TRIM17: variants seen among roughly 807,000 people sequenced by gnomAD.
TRIM17 encodes tripartite motif containing 17.
Under a neutral mutation model 35.8 loss-of-function variants are expected in TRIM17, and 27 were observed. That is an observed-to-expected ratio of 0.75 (90% CI 0.56 to 1.04). The LOEUF is 1.04. Ranked by LOEUF, TRIM17 falls within the 50% of genes least tolerant of loss-of-function variation. TRIM17 has a pLI of 0.00. For missense variants in TRIM17, 582 were observed against 612.8 expected (o/e 0.95, Z 0.53); for synonymous variants, 246 against 252.6 (o/e 0.97, Z 0.25).
chr1:228,409,902 A>G (rs1187414073), intron 4 of TRIM17, among the ~76,000 whole-genome samples: 2 of 152,064 alleles, frequency 1.3e-5, no homozygotes, highest in East Asian at 3.9e-4. Flanking sequence ...CCTGGAAGCT[A>G]CAAGGGACTT....
Position 228,409,223 on chromosome 1 carries a change from T to A in TRIM17, c.832A>T (p.Arg278Trp). ...TGTCCGGGAACTCTGCACACAGTCCTGGGTCTGGTTGGGGGGGCAACCTCT... is the reference window on the plus strand; with the variant it reads ...TGTCCGGGAACTCTGCACACAGTCCAGGGTCTGGTTGGGGGGGCAACCTCT... ...CPEVAPPTRPRTVCRVPGQIE... is the reference protein window; with the variant it reads ...CPEVAPPTRPWTVCRVPGQIE... The change falls in exon 6 of 7, where the codon AGG becomes TGG. Residue 278 changes from arginine to tryptophan, a missense_variant. Physicochemically the swap from Arg to Trp is moderately radical, Grantham distance 101. Transcript: ENST00000366698. 1.9e-6 allele frequency: 3 copies of A among 1,613,996 alleles called. No individual in the cohort carries two copies. Among genetic ancestry groups the A allele is most frequent in the Non-Finnish European group, 2.5e-6 (3 of 1,179,990 alleles).
rs1183968059 is a variant in TRIM17 at position 228,414,695 on chromosome 1, C to T, written c.378G>A (p.Glu126=). 2 of 1,612,012 alleles carry T rather than the reference C, an allele frequency of 1.2e-6. No individual in the cohort carries two copies. Residue 126 remains glutamate (E), a synonymous_variant, in exon 2 of 7, where the codon GAG becomes GAA. Coordinates refer to ENST00000366698, the MANE Select transcript of TRIM17 (RefSeq NM_016102.4). ...CGGGCAGCACCCTGTGCAGCCGGTG[C>T]TCCCGGGACTCCCTGCACACCACAC... ...PICVVCRESR[E]HRLHRVLPAE...
rs1435292082 is a variant in TRIM17, at chr1:228,415,097, T to C, written c.-25A>G. ...TGGCTCCTGGGAGACACGAGGCAGG[T>C]TCCCGCTTGAGGGACTCTGGAGAGA... On this transcript the variant is annotated 5_prime_UTR_variant, in exon 2 of 7. Transcript: ENST00000366698. The C allele has an allele frequency of 6.3e-7, 1 of 1,583,582 alleles. No individual in the cohort carries two copies. Among genetic ancestry groups the C allele is most frequent in the Non-Finnish European group, 8.6e-7 (1 of 1,162,326 alleles).
Position 228,408,182 on chromosome 1 carries a change from C to G in TRIM17, c.*19G>C. On this transcript the variant is annotated 3_prime_UTR_variant, in exon 7 of 7. Coordinates refer to ENST00000366698, the MANE Select transcript of TRIM17 (RefSeq NM_016102.4). The surrounding 1 kb of genome is among the most constrained non-coding windows in gnomAD (Gnocchi z 6.3). The stretch of plus-strand genomic sequence containing the variant: ...CTTCTGCAGAGCCAGGAGCAGTGCC[C>G]GAGTCCCCCGGTCTGTGTCTATCCT... 1 of 1,511,716 alleles carries G rather than the reference C, an allele frequency of 6.6e-7. No homozygotes were observed. The highest frequency in any genetic ancestry group is 8.8e-7 in the Non-Finnish European group (1 of 1,130,298). 93.6% of individuals were successfully genotyped at this position (1,511,716 alleles called of 1,614,324 possible). A position where few individuals can be genotyped will look rare whatever the true frequency, so the allele number is the denominator to read the frequency against.
At position 228,408,201 on chromosome 1, in the gene TRIM17, C is replaced by T. The variant is rs1656542322; in HGVS notation, c.1434G>A (p.Ter478=). The T allele has an allele frequency of 6.6e-7, 1 of 1,524,488 alleles. No homozygotes were observed. Among genetic ancestry groups the T allele is most frequent in the African/African-American group, 1.4e-5 (1 of 71,918 alleles). The allele number at this position is 1,524,488 out of a possible 1,614,324, so 94.4% of individuals were successfully genotyped here. ...ISTVTMWVKG[*] ...AGTGCCCGAGTCCCCCGGTCTGTGT[C>T]TATCCTTTCACCCACATGGTCACTG... Residue 478 remains the stop codon, a stop_retained_variant, in exon 7 of 7, where the codon TAG becomes TAA. Coordinates refer to ENST00000366698, the MANE Select transcript of TRIM17 (RefSeq NM_016102.4). The surrounding 1 kb of genome is among the most constrained non-coding windows in gnomAD (Gnocchi z 6.3).
chr1:228,413,537 G>A (rs1448104200), intron 3 of TRIM17, among the ~76,000 whole-genome samples: 2 of 152,142 alleles, frequency 1.3e-5, no homozygotes, highest in Admixed American at 6.5e-5. Flanking sequence ...CTGCCTCTTT[G>A]AGTCTGATTT....
At chr1:228,413,932 C>T in intron 2 of TRIM17, 40 bp from the exon 3 acceptor site, 1 of 1,546,868 alleles carries the variant, frequency 6.5e-7, no homozygotes, top group Non-Finnish European at 8.9e-7. Flanking sequence ...GATCAGCGAT[C>T]CCCCTACCTC....
At chr1:228,409,343 CCCACCGCT>C (rs1317831255) in intron 5 of TRIM17, 38 bp downstream of exon 5, 1 of 1,597,748 alleles carries the variant, frequency 6.3e-7, no homozygotes, top group Non-Finnish European at 8.5e-7. Flanking sequence ...GTCCCCCCCG[CCCACCGCT>C]GCCACTGCCC....
Position 228,416,800 on chromosome 1 carries a change from G to A in TRIM17, c.-303C>T. 1 of 984,606 alleles carries A rather than the reference G, an allele frequency of 1.0e-6. No homozygotes were observed. The highest frequency in any genetic ancestry group is 1.2e-6 in the Non-Finnish European group (1 of 829,612). The allele number at this position is 984,606 out of a possible 1,614,324, so 61.0% of individuals were successfully genotyped here. ...GAGAGGTTGGGGGTGGCTTGGGGAAGGAAGGCGGCAGGGGGTGGAAGGCTC... is the reference window on the plus strand; with the variant it reads ...GAGAGGTTGGGGGTGGCTTGGGGAAAGAAGGCGGCAGGGGGTGGAAGGCTC... On this transcript the variant is annotated 5_prime_UTR_variant, in exon 1 of 7. Coordinates refer to ENST00000366698, the MANE Select transcript of TRIM17 (RefSeq NM_016102.4).
At position 228,410,773 on chromosome 1, in the gene TRIM17, C is replaced by T. The variant is rs891538517; in HGVS notation, c.756+173G>A. On this transcript the variant is annotated intron_variant, in intron 4 of 6. Transcript: ENST00000366698. This position sits in a 1 kb window ranked among gnomAD's most constrained non-coding sequence, Gnocchi z 4.6. ...CATCTTCAGGCCTAGGAGAGAGGCT[C>T]AGGAGGAACCAGGCCTGCCCGCACC... Among the ~76,000 whole-genome samples, 2 of 152,164 alleles carry T rather than the reference C, an allele frequency of 1.3e-5. No homozygotes were observed. The highest frequency in any genetic ancestry group is 4.8e-5 in the African/African-American group (2 of 41,432).
chr1:228,413,966 G>A (rs1231560368), intron 2 of TRIM17, 74 bp from the exon 3 acceptor site: 12 of 1,261,982 alleles, frequency 9.5e-6, no homozygotes, highest in Admixed American at 1.7e-5. Context: ...AGTTGTGCTC[G>A]CTGAAACTGC....
In TRIM17 at chr1:228,411,271, CACCAGCAACTGGAGCTTTAGTTGGGG is replaced by C; in HGVS notation, c.526-121_526-96del. 1 of 1,006,140 alleles carries C rather than the reference CACCAGCAACTGGAGCTTTAGTTGGGG, an allele frequency of 9.9e-7. No homozygotes were observed. Among genetic ancestry groups the C allele is most frequent in the Non-Finnish European group, 1.5e-6 (1 of 679,650 alleles). The allele number at this position is 1,006,140 out of a possible 1,614,324, so 62.3% of individuals were successfully genotyped here. A position where few individuals can be genotyped will look rare whatever the true frequency, so the allele number is the denominator to read the frequency against. On this transcript the variant is annotated intron_variant, in intron 3 of 6. Coordinates refer to ENST00000366698, the MANE Select transcript of TRIM17 (RefSeq NM_016102.4). This position sits in a 1 kb window ranked among gnomAD's most constrained non-coding sequence, Gnocchi z 4.2. ...CCAGGGCCCTGGTGACCCACAAGAT[CACCAGCAACTGGAGCTTTAGTTGGGG>C]ACCAGGAACTGTGACAGAGGCCCCC...
At position 228,410,755 on chromosome 1, in the gene TRIM17, A is replaced by G. The variant is rs1261562399; in HGVS notation, c.756+191T>C. 6.6e-6 allele frequency among the ~76,000 whole-genome samples: 1 copy of G among 152,170 alleles called. No individual in the cohort carries two copies. Among genetic ancestry groups the G allele is most frequent in the African/African-American group, 2.4e-5 (1 of 41,436 alleles). ...GACGCGGGGAGGAGACGGCATCTTC[A>G]GGCCTAGGAGAGAGGCTCAGGAGGA... On this transcript the variant is annotated intron_variant, in intron 4 of 6. Transcript: ENST00000366698. The surrounding 1 kb of genome is among the most constrained non-coding windows in gnomAD (Gnocchi z 4.6).
At position 228,415,401 on chromosome 1, in the gene TRIM17, AGCT is replaced by A. The variant is rs144742807; in HGVS notation, c.-41-291_-41-289del. The A allele has an allele frequency of 3.7e-3, 944 of 256,448 alleles. 17 individuals carry two copies. Among genetic ancestry groups the A allele is most frequent in the Admixed American group, 0.024 (473 of 20,116 alleles). The allele number at this position is 256,448 out of a possible 1,614,324, so 15.9% of individuals were successfully genotyped here. A position where few individuals can be genotyped will look rare whatever the true frequency, so the allele number is the denominator to read the frequency against. ...GCTACCCCCAGCTCCACATCTCATC[AGCT>A]CCTCCTCCCCGACAGACCGTTGCCG... On this transcript the variant is annotated intron_variant, in intron 1 of 6. Transcript: ENST00000366698.
intron 2 of TRIM17, 81 bp downstream of exon 2, chr1:228,414,563 C>T: frequency 7.8e-7 from 1 of 1,278,740 alleles, no homozygotes; most frequent in Non-Finnish European, 1.1e-6. Flanking sequence ...GACACCTCCT[C>T]CCTCCCCCAT....
In TRIM17 at chr1:228,412,546, A is replaced by C. The variant is rs1656835550; in HGVS notation, c.525+1251T>G. Among the ~76,000 whole-genome samples the C allele has an allele frequency of 3.1e-5, 4 of 130,904 alleles. No homozygotes were observed. The Admixed American group carries it at 3.8e-4, about 12-fold the overall frequency. 85.9% of individuals were successfully genotyped at this position (130,904 alleles called of 152,430 possible). On this transcript the variant is annotated intron_variant, in intron 3 of 6. Transcript: ENST00000366698. ...GAGGCTGAGGCGGGAAGATAGTTTG[A>C]GCTCAGGAGTTCAAGGCCAGCCTGG...
rs201066715 is a variant in TRIM17, at chr1:228,408,513, C to G, written c.1122G>C (p.Val374=). ...LWALGVCRDN[V]SRKDRVPKCP... is the part of the protein sequence containing the mutation. ...ACTTGGGGACCCTGTCTTTCCGGCT[C>G]ACGTTGTCCCTGCACACACCCAGGG... is the stretch of plus-strand genomic sequence containing the variant. The change falls in exon 7 of 7, where the codon GTG becomes GTC. Residue 374 remains valine, a synonymous_variant. Coordinates refer to ENST00000366698, the MANE Select transcript of TRIM17 (RefSeq NM_016102.4). This position sits in a 1 kb window ranked among gnomAD's most constrained non-coding sequence, Gnocchi z 6.3. 3 of 1,614,128 alleles carry G rather than the reference C, an allele frequency of 1.9e-6. No individual in the cohort carries two copies. In the East Asian group the frequency reaches 6.7e-5, roughly 36 times the overall value.
At chr1:228,412,022 G>A (rs768976869) in intron 3 of TRIM17, among the ~76,000 whole-genome samples, 1 of 152,202 alleles carries the variant, frequency 6.6e-6, no homozygotes, top group Non-Finnish European at 1.5e-5. Flanking sequence ...AGGTCAGCCT[G>A]CCCTGATTGC....
chr1:228,413,928 C>T (rs766981661), intron 2 of TRIM17, 36 bp from the exon 3 acceptor site: 9 of 1,553,964 alleles, frequency 5.8e-6, no homozygotes, highest in Admixed American at 1.7e-5. Flanking sequence ...TTGGGATCAG[C>T]GATCCCCCTA....
Sources: allele counts gnomAD v4.1 joint callset (sites outside exome capture counted in the v4.1 genomes callset), GRCh38; gene constraint gnomAD v4.1.1; non-coding constraint Gnocchi (gnomAD v3.1); transcripts MANE v1.5; gene names NCBI Gene and HGNC (gene_info 2026-07-23, HGNC 2026-07-21).